The following MATN3 variants were observed in gnomAD, a reference collection of about 807,000 sequenced individuals.
The protein encoded by MATN3 is matrilin 3.
MATN3 carries 48 observed loss-of-function variants against 45.3 expected under a neutral mutation model. That is an observed-to-expected ratio of 1.06 (90% CI 0.84 to 1.35). MATN3 has a LOEUF of 1.35. MATN3 is among the 40% of genes most tolerant of loss of function. The pLI, the probability that MATN3 is intolerant of heterozygous loss-of-function variation, is 0.00. For missense variants in MATN3, 599 were observed against 628.0 expected, an observed-to-expected ratio of 0.95 and a Z score of 0.49; for synonymous variants, 217 against 245.9, an observed-to-expected ratio of 0.88 and a Z score of 1.10.
Position 20,002,025 on chromosome 2 carries a change from G to C in MATN3, c.972C>G (p.Asp324Glu), listed in dbSNP as rs372565565. 1 of 1,613,234 alleles carries C rather than the reference G, an allele frequency of 6.2e-7. No homozygotes were observed. The highest frequency in any genetic ancestry group is 8.5e-7 in the Non-Finnish European group (1 of 1,179,236). Reference protein sequence around the residue: ...THGCEHICVNDRSGSYHCECY... With the variant: ...THGCEHICVNERSGSYHCECY... ...ACTCACAATGATAAGAGCCACTTCT[G>C]TCATTCACACAGATGTGCTCACATC... The change falls in exon 4 of 8, where the codon GAC (aspartate) becomes GAG (glutamate). Residue 324 changes from aspartate (D) to glutamate (E), a missense_variant. By Grantham distance (45) the Asp-to-Glu change is conservative. Coordinates refer to ENST00000407540, the MANE Select transcript of MATN3 (RefSeq NM_002381.5).
chr2:19,994,894 C>T (rs1475361212), intron 6 of MATN3, among the ~76,000 whole-genome samples: 1 of 151,948 alleles, frequency 6.6e-6, no homozygotes, highest in African/African-American at 2.4e-5. Flanking sequence ...TTCAAGACCA[C>T]CCTGGGCAAC....
rs1558376342 is a variant in MATN3 at position 20,010,066 on chromosome 2, C to CAAAAAAAAAAA, written c.223+2342_223+2343insTTTTTTTTTTT. Among the ~76,000 whole-genome samples the CAAAAAAAAAAA allele has an allele frequency of 1.6e-3, 9 of 5,554 alleles. 1 individual carries two copies. Among genetic ancestry groups the CAAAAAAAAAAA allele is most frequent in the African/African-American group, 2.3e-3 (1 of 444 alleles). 3.6% of individuals were successfully genotyped at this position (5,554 alleles called of 152,430 possible). Reference sequence around the variant, plus strand: ...GTCTCAGAATAAATCTCTTCAAATACTAAAAAAAAAAAAAAAAAAAAAAAC... The same window carrying CAAAAAAAAAAA: ...GTCTCAGAATAAATCTCTTCAAATACAAAAAAAAAAATAAAAAAAAAAAAAAAAAAAAAAAC... On this transcript the variant is annotated intron_variant, in intron 1 of 7. Transcript: ENST00000407540.
chr2:20,010,388 T>A (rs1673199062), intron 1 of MATN3, among the ~76,000 whole-genome samples: 1 of 152,142 alleles, frequency 6.6e-6, no homozygotes, highest in Non-Finnish European at 1.5e-5. Flanking sequence ...TGCAGAATAA[T>A]GTCCCCCGCC....
intron 1 of MATN3, among the ~76,000 whole-genome samples, chr2:20,011,165 A>T (rs2103486517): frequency 6.6e-6 from 1 of 152,372 alleles, no homozygotes; most frequent in Middle Eastern, 3.4e-3. Flanking sequence ...ATTCATGATC[A>T]GGTTCGGACT....
At chr2:20,002,702 C>T (rs1419798911) in intron 3 of MATN3, among the ~76,000 whole-genome samples, 1 of 152,036 alleles carries the variant, frequency 6.6e-6, no homozygotes, top group Non-Finnish European at 1.5e-5. Flanking sequence ...TGGTCTCAAA[C>T]AATCCTCCCA....
chr2:20,006,386 CAGG>C, intron 1 of MATN3, 76 bp from the exon 2 acceptor site: 14 of 1,177,248 alleles, frequency 1.2e-5, no homozygotes, highest in Non-Finnish European at 1.6e-5. Context: ...TCTGGGATTC[CAGG>C]AGGCCAGGCA....
intron 2 of MATN3, 29 bp from the exon 3 acceptor site, chr2:20,003,315 A>G (rs927199913): frequency 1.3e-6 from 2 of 1,574,858 alleles, no homozygotes; most frequent in African/African-American, 2.7e-5. Flanking sequence ...AACAGTCAGC[A>G]CTGACACTTA....
At position 19,993,046 on chromosome 2, in the gene MATN3, A is replaced by C. The variant is rs930185821; in HGVS notation, c.*65T>G. The C allele has an allele frequency of 9.8e-5, 128 of 1,308,304 alleles. No individual in the cohort carries two copies. Among genetic ancestry groups the C allele is most frequent in the Non-Finnish European group, 1.4e-4 (123 of 903,916 alleles). 81.0% of individuals were successfully genotyped at this position (1,308,304 alleles called of 1,614,324 possible). On this transcript the variant is annotated 3_prime_UTR_variant, in exon 8 of 8. Coordinates refer to ENST00000407540, the MANE Select transcript of MATN3 (RefSeq NM_002381.5). ...GGAACATTGGCAATAACAGGTGTGC[A>C]AAAGAATGCATGAGTATTAAGTACA...
intron 1 of MATN3, among the ~76,000 whole-genome samples, chr2:20,010,201 G>A (rs1001819857): frequency 6.6e-6 from 1 of 150,766 alleles, no homozygotes; most frequent in African/African-American, 2.4e-5. Context: ...TGTATAATTA[G>A]AAAAAGAAAA....
chr2:20,005,077 G>A (rs958880809), intron 2 of MATN3, among the ~76,000 whole-genome samples: 2 of 152,122 alleles, frequency 1.3e-5, no homozygotes, highest in Non-Finnish European at 2.9e-5. Flanking sequence ...AAGGATGGAA[G>A]GAGTAGCAGA....
rs1251007941 is a variant in MATN3, at chr2:19,992,245, A to C, written c.*866T>G. 1 of 152,200 alleles carries C rather than the reference A, an allele frequency of 6.6e-6. No homozygotes were observed. Among genetic ancestry groups the C allele is most frequent in the Non-Finnish European group, 1.5e-5 (1 of 67,998 alleles). The allele number at this position is 152,200 out of a possible 1,614,324, so 9.4% of individuals were successfully genotyped here. On this transcript the variant is annotated 3_prime_UTR_variant, in exon 8 of 8. Coordinates refer to ENST00000407540, the MANE Select transcript of MATN3 (RefSeq NM_002381.5). The stretch of plus-strand genomic sequence containing the variant: ...AAAGCCAAAAGAATTATATGTATCA[A>C]ATATATAAGTAAAAAAAAGTTAGAC...
chr2:20,005,659 A>AG, intron 2 of MATN3, 85 bp downstream of exon 2: 1 of 1,170,946 alleles, frequency 8.5e-7, no homozygotes, highest in Non-Finnish European at 1.1e-6. Flanking sequence ...ATTTCCACCA[A>AG]AAAAGAATAA....
Position 20,012,604 on chromosome 2 carries a change from GGCGGCGCGCGGGGGCCGGGC to G in MATN3, c.8_27del (p.Arg3ProfsTer80). 1 of 1,221,292 alleles carries G rather than the reference GGCGGCGCGCGGGGGCCGGGC, an allele frequency of 8.2e-7. No individual in the cohort carries two copies. The highest frequency in any genetic ancestry group is 1.0e-6 in the Non-Finnish European group (1 of 981,724). The allele number at this position is 1,221,292 out of a possible 1,614,324, so 75.7% of individuals were successfully genotyped here. On this transcript the variant is annotated frameshift_variant, in exon 1 of 8. Coordinates refer to ENST00000407540, the MANE Select transcript of MATN3 (RefSeq NM_002381.5). LOFTEE classifies it high-confidence loss of function. This position sits in a 1 kb window ranked among gnomAD's most constrained non-coding sequence, Gnocchi z 4.3. ...CAGAGCAGCAGGAGGAGTCCCGGGA[GGCGGCGCGCGGGGGCCGGGC>G]GCGGCATGGTGGGCTCCGTGGGCCT...
Position 20,001,955 on chromosome 2 carries a change from C to T in MATN3, c.1042G>A (p.Ala348Thr). Reference sequence around the variant, plus strand: ...TAGTAAAGACTCCTCCCTCACTTACCTGAACAAGTTTTCCTGTCTTCATTC... The same window carrying T: ...TAGTAAAGACTCCTCCCTCACTTACTTGAACAAGTTTTCCTGTCTTCATTC... ...TLNEDRKTCSAQDKCALGTHG... is the reference protein window; with the variant it reads ...TLNEDRKTCSTQDKCALGTHG... Residue 348 changes from alanine to threonine, a missense_variant and splice_region_variant, in exon 4 of 8, where the codon GCT (alanine) becomes ACT (threonine). By Grantham distance (58) the Ala-to-Thr change is moderately conservative. Coordinates refer to ENST00000407540, the MANE Select transcript of MATN3 (RefSeq NM_002381.5). The T allele has an allele frequency of 6.2e-7, 1 of 1,612,746 alleles. No homozygotes were observed.
intron 1 of MATN3, among the ~76,000 whole-genome samples, chr2:20,007,687 ATTC>A: frequency 6.6e-6 from 1 of 152,314 alleles, no homozygotes; most frequent in South Asian, 2.1e-4. Context: ...TGACTTATTC[ATTC>A]ACCAAAAACA....
At chr2:20,005,594 G>T (rs3731668) in intron 2 of MATN3, 150 bp downstream of exon 2, 1 of 664,126 alleles carries the variant, frequency 1.5e-6, no homozygotes, top group East Asian at 2.7e-5. Context: ...ACACACGCGC[G>T]CATGCACACG....
rs1480711040 is a variant in MATN3 at position 19,997,279 on chromosome 2, G to A, written c.1169-20C>T. The A allele has an allele frequency of 3.8e-6, 6 of 1,577,442 alleles. No individual in the cohort carries two copies. The highest frequency in any genetic ancestry group is 2.0e-5 in the Admixed American group (1 of 50,376). On this transcript the variant is annotated intron_variant, in intron 5 of 7. Transcript: ENST00000407540. ...CACGGACTGACCGCACGTGGTGCAG[G>A]AAAGAAAATATTCACACATTAAATA...
At chr2:20,004,576 G>A (rs577368281) in intron 2 of MATN3, among the ~76,000 whole-genome samples, 7 of 152,322 alleles carry the variant, frequency 4.6e-5, no homozygotes, top group African/African-American at 1.4e-4. Flanking sequence ...GCCAAACGTT[G>A]CCCCAGAGCA....
Position 19,995,997 on chromosome 2 carries a change from C to A in MATN3, c.1294+1137G>T, listed in dbSNP as rs1003253784. The stretch of plus-strand genomic sequence containing the variant: ...TGAAGATCAACTACATGTCCATTAT[C>A]CCTGTACCCATAAGATGGGTATATA... On this transcript the variant is annotated intron_variant, in intron 6 of 7. Transcript: ENST00000407540. The surrounding 1 kb of genome is among the most constrained non-coding windows in gnomAD (Gnocchi z 4.2). Among the ~76,000 whole-genome samples, 6 of 152,170 alleles carry A rather than the reference C, an allele frequency of 3.9e-5. No homozygotes were observed. The highest frequency in any genetic ancestry group is 1.4e-4 in the African/African-American group (6 of 41,416).
Sources: gnomAD v4.1 joint callset for allele counts (sites outside exome capture counted in the v4.1 genomes callset) on GRCh38, gnomAD v4.1.1 for gene constraint, Gnocchi (gnomAD v3.1) non-coding constraint, MANE v1.5 for transcripts, NCBI Gene and HGNC (gene_info 2026-07-23, HGNC 2026-07-21) for gene names.